Variants in SLC25A17 observed in about 807,000 individuals in gnomAD.
The protein encoded by SLC25A17 is solute carrier family 25 member 17.
SLC25A17 carries 26 observed loss-of-function variants against 38.5 expected under a neutral mutation model. The observed-to-expected ratio is 0.68, with a 90% CI of 0.50 to 0.94. The LOEUF (loss-of-function observed/expected upper bound fraction) is 0.94, where lower values mean the gene tolerates loss of function less well. SLC25A17 is among the 40% of genes least tolerant of loss of function. The pLI, the probability that SLC25A17 is intolerant of heterozygous loss-of-function variation, is 0.00. For missense variants in SLC25A17, 333 were observed against 372.7 expected (o/e 0.89, Z 0.88); for synonymous variants, 139 against 136.2 (o/e 1.02, Z -0.14).
At position 40,773,906 on chromosome 22, in the gene SLC25A17, G is replaced by A. The variant is rs576379854; in HGVS notation, c.776+31C>T. On this transcript the variant is annotated intron_variant, in intron 8 of 8. Coordinates refer to ENST00000435456, the MANE Select transcript of SLC25A17 (RefSeq NM_006358.4). ...TGGCAGAGATGGCTGCTGAAGGAGA[G>A]CACGGAATGTGAGGCATCTACAAAG... is the stretch of plus-strand genomic sequence containing the variant. 17 of 1,432,252 alleles carry A rather than the reference G, an allele frequency of 1.2e-5. No individual in the cohort carries two copies. In the African/African-American group the frequency reaches 2.2e-4, roughly 19 times the overall value. 88.7% of individuals were successfully genotyped at this position (1,432,252 alleles called of 1,614,324 possible). A position where few individuals can be genotyped will look rare whatever the true frequency, so the allele number is the denominator to read the frequency against.
intron 7 of SLC25A17, among the ~76,000 whole-genome samples, chr22:40,776,735 C>CA (rs1281330772): frequency 6.6e-6 from 1 of 151,956 alleles, no homozygotes; most frequent in Non-Finnish European, 1.5e-5. Flanking sequence ...CATCTTCACA[C>CA]AAAAAAATTT....
At chr22:40,780,288 T>A (rs1277433695) in intron 4 of SLC25A17, 1 of 152,236 alleles carries the variant, frequency 6.6e-6, no homozygotes, top group African/African-American at 2.4e-5. Context: ...AGGAGCATTA[T>A]AAGAGCACAT....
chr22:40,807,116 A>C (rs1044260340), intron 1 of SLC25A17, among the ~76,000 whole-genome samples: 3 of 152,214 alleles, frequency 2.0e-5, no homozygotes, highest in Admixed American at 6.5e-5. Context: ...CATTGTGTGT[A>C]TATGCCACAT....
rs993268876 is a variant in SLC25A17, at chr22:40,795,416, C to T, written c.116-836G>A. Among the ~76,000 whole-genome samples the T allele has an allele frequency of 3.8e-4, 58 of 152,000 alleles. 1 individual carries two copies. Among genetic ancestry groups the T allele is most frequent in the Non-Finnish European group, 3.4e-4 (23 of 68,008 alleles). ...CACGCCATTGTCCTGCCTCAACCACCGGAGTAGCTGGGACTACAGGCGCCC... is the reference window on the plus strand; with the variant it reads ...CACGCCATTGTCCTGCCTCAACCACTGGAGTAGCTGGGACTACAGGCGCCC... On this transcript the variant is annotated intron_variant, in intron 2 of 8. Coordinates refer to ENST00000435456, the MANE Select transcript of SLC25A17 (RefSeq NM_006358.4).
chr22:40,794,308 T>C (rs974290476), intron 3 of SLC25A17, among the ~76,000 whole-genome samples: 1 of 152,098 alleles, frequency 6.6e-6, no homozygotes, highest in Non-Finnish European at 1.5e-5. Context: ...AAGGTAAGCA[T>C]TGTACAAAAA....
intron 7 of SLC25A17, chr22:40,776,175 AT>A (rs1458274458): frequency 6.0e-6 from 2 of 331,488 alleles, no homozygotes; most frequent in Non-Finnish European, 1.2e-5. Context: ...TTACCTATTT[AT>A]TTTGCTTGTT....
At position 40,776,070 on chromosome 22, in the gene SLC25A17, A is replaced by G. The variant is rs140838393; in HGVS notation, c.693+970T>C. On this transcript the variant is annotated intron_variant, in intron 7 of 8. Transcript: ENST00000435456. ...ATCTTGATTTAAATATTCCTTCTCA[A>G]AGAAGCCCACCTCCAATCATGCTAT... The G allele has an allele frequency of 1.5e-5, 4 of 272,874 alleles. No homozygotes were observed. In the Admixed American group the frequency reaches 1.6e-4, roughly 11 times the overall value. 16.9% of individuals were successfully genotyped at this position (272,874 alleles called of 1,614,324 possible). A position where few individuals can be genotyped will look rare whatever the true frequency, so the allele number is the denominator to read the frequency against.
chr22:40,787,295 C>T (rs985040756), intron 4 of SLC25A17, among the ~76,000 whole-genome samples: 1 of 152,096 alleles, frequency 6.6e-6, no homozygotes, highest in Non-Finnish European at 1.5e-5. Context: ...CAAAGACTCA[C>T]AGATTGGCAT....
rs2057170107 is a variant in SLC25A17, at chr22:40,770,459, G to A, written c.*375C>T. 6.4e-6 allele frequency: 1 copy of A among 155,058 alleles called. No individual in the cohort carries two copies. The highest frequency in any genetic ancestry group is 1.4e-5 in the Non-Finnish European group (1 of 70,096). 9.6% of individuals were successfully genotyped at this position (155,058 alleles called of 1,614,324 possible). ...GTTATTAAATTTGTCCTAGAACCTGGGGGAGAGTTCAGGGAAAGAGAACAG... is the reference window on the plus strand; with the variant it reads ...GTTATTAAATTTGTCCTAGAACCTGAGGGAGAGTTCAGGGAAAGAGAACAG... On this transcript the variant is annotated 3_prime_UTR_variant, in exon 9 of 9. Coordinates refer to ENST00000435456, the MANE Select transcript of SLC25A17 (RefSeq NM_006358.4).
At chr22:40,772,685 G>A (rs546769306) in intron 8 of SLC25A17, among the ~76,000 whole-genome samples, 8 of 151,754 alleles carry the variant, frequency 5.3e-5, no homozygotes, top group Non-Finnish European at 8.8e-5. Context: ...AGCCCAGGCT[G>A]GAGTACAGTG....
intron 4 of SLC25A17, among the ~76,000 whole-genome samples, chr22:40,790,256 G>A (rs1419147929): frequency 6.8e-6 from 1 of 147,946 alleles, no homozygotes; most frequent in East Asian, 2.0e-4. Flanking sequence ...TAGGAAAATT[G>A]CTTGAACCCA....
Position 40,789,010 on chromosome 22 carries a change from T to C in SLC25A17, c.334+3515A>G. 1 of 309,440 alleles carries C rather than the reference T, an allele frequency of 3.2e-6. No homozygotes were observed. The highest frequency in any genetic ancestry group is 6.5e-6 in the Non-Finnish European group (1 of 154,166). The allele number at this position is 309,440 out of a possible 1,614,324, so 19.2% of individuals were successfully genotyped here. A position where few individuals can be genotyped will look rare whatever the true frequency, so the allele number is the denominator to read the frequency against. On this transcript the variant is annotated intron_variant, in intron 4 of 8. Transcript: ENST00000435456. The surrounding 1 kb of genome is among the most constrained non-coding windows in gnomAD (Gnocchi z 4.5). ...TTTGAAGGTATGCATGGTATGTGTT[T>C]CCATGGACTTCTTCGTATTCTCATA...
At chr22:40,795,655 T>A (rs1312607629) in intron 2 of SLC25A17, among the ~76,000 whole-genome samples, 1 of 152,202 alleles carries the variant, frequency 6.6e-6, no homozygotes, top group African/African-American at 2.4e-5. Context: ...AATGTATATA[T>A]TTTCTCATTT....
At chr22:40,775,419 T>C (rs2057230786) in intron 7 of SLC25A17, among the ~76,000 whole-genome samples, 1 of 147,048 alleles carries the variant, frequency 6.8e-6, no homozygotes, top group Middle Eastern at 3.5e-3. Context: ...AGTGAATAAG[T>C]CTCATGAGAT....
At chr22:40,809,842 T>A (rs1006673837) in intron 1 of SLC25A17, among the ~76,000 whole-genome samples, 2 of 152,174 alleles carry the variant, frequency 1.3e-5, no homozygotes, top group African/African-American at 4.8e-5. Flanking sequence ...TATTATATAC[T>A]ATCATCTAAC....
intron 4 of SLC25A17, among the ~76,000 whole-genome samples, chr22:40,781,563 G>T (rs561929704): frequency 3.5e-4 from 53 of 152,116 alleles, no homozygotes; most frequent in African/African-American, 1.3e-3. Flanking sequence ...TTCTTCTCAA[G>T]GACAACCTCA....
At chr22:40,771,654 A>C (rs973712083) in intron 8 of SLC25A17, among the ~76,000 whole-genome samples, 1 of 152,202 alleles carries the variant, frequency 6.6e-6, no homozygotes, top group Non-Finnish European at 1.5e-5. Context: ...GGACCTAAAA[A>C]TCAAAACAAT....
At chr22:40,778,558 T>C (rs2057266676) in intron 5 of SLC25A17, among the ~76,000 whole-genome samples, 1 of 152,242 alleles carries the variant, frequency 6.6e-6, no homozygotes, top group Admixed American at 6.5e-5. Context: ...GGTTGTCTGT[T>C]ATGCAGCTTT....
chr22:40,786,326 G>A (rs901091753), intron 4 of SLC25A17, among the ~76,000 whole-genome samples: 29 of 150,214 alleles, frequency 1.9e-4, no homozygotes, highest in African/African-American at 6.6e-4. Flanking sequence ...AAAAAAAAAA[G>A]TAGGAGGCTC....
Sources: allele counts gnomAD v4.1 joint callset (sites outside exome capture counted in the v4.1 genomes callset), GRCh38; gene constraint gnomAD v4.1.1; non-coding constraint Gnocchi (gnomAD v3.1); transcripts MANE v1.5; gene names NCBI Gene and HGNC (gene_info 2026-07-23, HGNC 2026-07-21).